The following RGL3 variants were observed in gnomAD, a reference collection of about 807,000 sequenced individuals.
RGL3 encodes the protein ral guanine nucleotide dissociation stimulator like 3, also known as ral guanine nucleotide dissociation stimulator-like 3.
A neutral mutation model predicts 90.6 loss-of-function variants in RGL3; 85 were observed. The observed-to-expected ratio is 0.94, with a 90% CI of 0.79 to 1.12. The LOEUF (loss-of-function observed/expected upper bound fraction) is 1.12. Among genes scored for constraint, RGL3 ranks in the 50% most tolerant of loss-of-function variants. RGL3 has a pLI of 0.00. For missense variants in RGL3, 1,034 were observed against 939.2 expected (o/e 1.10, Z -1.32); for synonymous variants, 408 against 385.5 (o/e 1.06, Z -0.68).
At position 11,416,847 on chromosome 19, in the gene RGL3, G is replaced by T. The variant is rs746573648; in HGVS notation, c.360C>A (p.Pro120=). The change falls in exon 3 of 19, where the codon CCC becomes CCA. Residue 120 remains proline (P), a synonymous_variant. Transcript: ENST00000380456. ...GGTTCGCTACTGACCCGGGAGGTGG[G>T]GGCGGTGGCATTGGTGGCAGCAGAA... ...LGFLLPPMPP[P]PPPGVEIKKT... The T allele has an allele frequency of 1.2e-6, 2 of 1,613,654 alleles. No individual in the cohort carries two copies. Among genetic ancestry groups the T allele is most frequent in the African/African-American group, 2.7e-5 (2 of 74,894 alleles).
intron 2 of RGL3, 109 bp from the exon 3 acceptor site, chr19:11,417,168 T>C (rs962246635): frequency 1.8e-5 from 16 of 902,246 alleles, no homozygotes; most frequent in Non-Finnish European, 2.3e-5. Flanking sequence ...GTTTTTTTTT[T>C]TGAGACAGAG....
chr19:11,409,433 A>T (rs1968837495), intron 5 of RGL3, among the ~76,000 whole-genome samples: 1 of 152,198 alleles, frequency 6.6e-6, no homozygotes, highest in Non-Finnish European at 1.5e-5. Context: ...GTAAGCCGAG[A>T]TCATGCCACT....
At chr19:11,403,084 G>A (rs1968708512) in intron 9 of RGL3, among the ~76,000 whole-genome samples, 1 of 151,966 alleles carries the variant, frequency 6.6e-6, no homozygotes, top group South Asian at 2.1e-4. Context: ...ACCCAGGCTG[G>A]AGTGCAGTGG....
At chr19:11,407,761 A>C (rs1408716193) in intron 5 of RGL3, among the ~76,000 whole-genome samples, 4 of 149,388 alleles carry the variant, frequency 2.7e-5, no homozygotes, top group Non-Finnish European at 4.4e-5. Context: ...ATCTTGGCTC[A>C]CTGCAACCTC....
intron 18 of RGL3, 121 bp from the exon 19 acceptor site, chr19:11,394,641 T>G: frequency 1.4e-6 from 1 of 714,522 alleles, no homozygotes; most frequent in East Asian, 2.5e-5. Context: ...CCTCTGCAGC[T>G]ACTGCCAAGC....
chr19:11,396,367 A>G (rs1044649963), intron 18 of RGL3, among the ~76,000 whole-genome samples: 4 of 149,138 alleles, frequency 2.7e-5, no homozygotes, highest in African/African-American at 9.9e-5. Flanking sequence ...ACGGGGCTTC[A>G]CCATGTTGGC....
In RGL3 at chr19:11,394,352, T is replaced by C; in HGVS notation, c.*50A>G. The stretch of plus-strand genomic sequence containing the variant: ...GGATGGCAGCTTTCCAGGAGAAGAG[T>C]CGCAAGCTTGCCTGTGGGACTTGTG... On this transcript the variant is annotated 3_prime_UTR_variant, in exon 19 of 19. Transcript: ENST00000380456. 7 of 1,426,158 alleles carry C rather than the reference T, an allele frequency of 4.9e-6. No homozygotes were observed. The highest frequency in any genetic ancestry group is 6.9e-6 in the Non-Finnish European group (7 of 1,010,032). The allele number at this position is 1,426,158 out of a possible 1,614,324, so 88.3% of individuals were successfully genotyped here. A position where few individuals can be genotyped will look rare whatever the true frequency, so the allele number is the denominator to read the frequency against.
intron 5 of RGL3, among the ~76,000 whole-genome samples, chr19:11,409,169 CAAAA>C (rs1267799858): frequency 1.4e-5 from 1 of 69,508 alleles, no homozygotes; most frequent in Non-Finnish European, 2.9e-5. Flanking sequence ...GACTTTGTCT[CAAAA>C]AAAAAAAAAA....
chr19:11,401,464 C>T (rs150832713), intron 13 of RGL3, among the ~76,000 whole-genome samples: 4,153 of 150,458 alleles, frequency 0.028, 211 homozygotes, highest in African/African-American at 0.095. Flanking sequence ...GGCACCATCT[C>T]GGCTCCCTGC....
chr19:11,395,672 G>A (rs1968552178), intron 18 of RGL3, among the ~76,000 whole-genome samples: 1 of 152,050 alleles, frequency 6.6e-6, no homozygotes, highest in Non-Finnish European at 1.5e-5. Context: ...TCTGTCGCCA[G>A]GCTGGAGTGC....
chr19:11,402,861 A>C (rs1968705071), intron 9 of RGL3, among the ~76,000 whole-genome samples, 155 bp from the exon 10 acceptor site: 1 of 151,992 alleles, frequency 6.6e-6, no homozygotes, highest in Non-Finnish European at 1.5e-5. Context: ...TAATCCCAGC[A>C]CTTTGGGAGG....
intron 5 of RGL3, among the ~76,000 whole-genome samples, chr19:11,414,528 T>TTCATATATATATATATATATATATATAC (rs1968958959): frequency 1.3e-5 from 1 of 74,094 alleles, no homozygotes; most frequent in Non-Finnish European, 2.6e-5. Flanking sequence ...TATATATATA[T>TTCATATATATATATATATATATATATAC]ACCTTTATAT....
intron 18 of RGL3, among the ~76,000 whole-genome samples, chr19:11,396,158 ATTTTTT>A (rs1169850022): frequency 3.4e-3 from 86 of 25,608 alleles, no homozygotes; most frequent in African/African-American, 0.013. Flanking sequence ...ATATATATAT[ATTTTTT>A]TTTTTTTTTT....
chr19:11,416,154 C>T lies in RGL3; in HGVS notation c.426-6G>A, dbSNP rs746749855. ...CCAGCACTGACACCACAGCCCTGGCCAGAGAGGCAGGGTCTCAGAGCTGGG... is the reference window on the plus strand; with the variant it reads ...CCAGCACTGACACCACAGCCCTGGCTAGAGAGGCAGGGTCTCAGAGCTGGG... On this transcript the variant is annotated splice_polypyrimidine_tract_variant and splice_region_variant and intron_variant, in intron 4 of 18. Coordinates refer to ENST00000380456, the MANE Select transcript of RGL3 (RefSeq NM_001035223.4). The T allele has an allele frequency of 1.3e-6, 2 of 1,530,728 alleles. No homozygotes were observed. The highest frequency in any genetic ancestry group is 2.5e-5 in the South Asian group (2 of 79,118). 94.8% of individuals were successfully genotyped at this position (1,530,728 alleles called of 1,614,324 possible). A position where few individuals can be genotyped will look rare whatever the true frequency, so the allele number is the denominator to read the frequency against.
At chr19:11,414,445 ACATATATATATATACCTT>A (rs1968944723) in intron 5 of RGL3, among the ~76,000 whole-genome samples, 1 of 105,652 alleles carries the variant, frequency 9.5e-6, no homozygotes, top group African/African-American at 4.1e-5. Context: ...TCATATATAT[ACATATATATATATACCTT>A]CATATATATA....
At chr19:11,398,268 C>A (rs1599429605) in intron 16 of RGL3, among the ~76,000 whole-genome samples, 1 of 152,158 alleles carries the variant, frequency 6.6e-6, no homozygotes, top group Non-Finnish European at 1.5e-5. Flanking sequence ...ACAGCCCATG[C>A]CAATGAACAA....
chr19:11,417,347 A>T (rs1220557456), intron 2 of RGL3, among the ~76,000 whole-genome samples: 3 of 149,556 alleles, frequency 2.0e-5, no homozygotes, highest in Non-Finnish European at 4.4e-5. Flanking sequence ...ATAGGGTTTC[A>T]CCATGTTGGT....
chr19:11,411,377 T>A (rs1168431975), intron 5 of RGL3: 3 of 152,060 alleles, frequency 2.0e-5, no homozygotes, highest in Non-Finnish European at 4.4e-5. Flanking sequence ...AGTCAAGAGA[T>A]CCTCCCATCT....
chr19:11,406,880 G>C lies in RGL3; in HGVS notation c.638-16C>G. The C allele has an allele frequency of 1.2e-6, 2 of 1,606,464 alleles. No individual in the cohort carries two copies. The highest frequency in any genetic ancestry group is 1.7e-6 in the Non-Finnish European group (2 of 1,175,966). ...CTGGGAGGTCCTGATCATTAGAAAG[G>C]GTTACAAACTCTCAAGTTTGAATCC... On this transcript the variant is annotated splice_polypyrimidine_tract_variant and intron_variant, in intron 5 of 18. Transcript: ENST00000380456.
Sources: allele counts gnomAD v4.1 joint callset (sites outside exome capture counted in the v4.1 genomes callset), GRCh38; gene constraint gnomAD v4.1.1; transcripts MANE v1.5; gene names NCBI Gene and HGNC (gene_info 2026-07-23, HGNC 2026-07-21).